Variants in MALRD1 observed in about 807,000 individuals in gnomAD.
The protein encoded by MALRD1 is MAM and LDL-receptor class A domain-containing protein 1.
A neutral mutation model predicts 242.1 loss-of-function variants in MALRD1; 247 were observed. That is an observed-to-expected ratio of 1.02 (90% CI 0.92 to 1.13). The LOEUF (loss-of-function observed/expected upper bound fraction) is 1.13, where lower values mean the gene tolerates loss of function less well. Ranked by LOEUF, MALRD1 falls within the 50% of genes most tolerant of loss-of-function variation. MALRD1 has a pLI of 0.00. For synonymous variants in MALRD1, 995 were observed against 866.6 expected (o/e 1.15, Z -2.60); for missense variants, 2,989 against 2,533.1 (o/e 1.18, Z -3.86).
rs1431459244 is a variant in MALRD1 at position 19,312,162 on chromosome 10, A to T, written c.3420-11787A>T. ...AGAAACTGAACTCTGGTGGCAAAAC[A>T]CAGGAAAGAAATGGCACCACGTGAA... On this transcript the variant is annotated intron_variant, in intron 21 of 39. Transcript: ENST00000454679. Among the ~76,000 whole-genome samples the T allele has an allele frequency of 2.0e-5, 3 of 151,300 alleles. No homozygotes were observed. The East Asian group carries it at 5.8e-4, about 29-fold the overall frequency.
intron 33 of MALRD1, among the ~76,000 whole-genome samples, chr10:19,589,150 A>C (rs1012041281): frequency 1.3e-5 from 2 of 152,226 alleles, no homozygotes; most frequent in African/African-American, 4.8e-5. Flanking sequence ...ACAGACTGAA[A>C]CATAGGTTCT....
At chr10:19,436,919 A>G (rs1286314888) in intron 28 of MALRD1, among the ~76,000 whole-genome samples, 1 of 152,156 alleles carries the variant, frequency 6.6e-6, no homozygotes, top group Non-Finnish European at 1.5e-5. Flanking sequence ...TCACCTATTC[A>G]GTTATCTTCC....
chr10:19,236,394 G>A (rs1357536032), intron 18 of MALRD1, among the ~76,000 whole-genome samples: 3 of 152,124 alleles, frequency 2.0e-5, no homozygotes, highest in African/African-American at 7.2e-5. Flanking sequence ...TGCCCATGGG[G>A]CAACCTGTGA....
chr10:19,623,224 C>A (rs1839485581), intron 36 of MALRD1, among the ~76,000 whole-genome samples: 1 of 151,662 alleles, frequency 6.6e-6, no homozygotes, highest in Non-Finnish European at 1.5e-5. Flanking sequence ...AGATAAATGG[C>A]AATCTGAGAG....
chr10:19,391,239 TAC>T (rs972332237), intron 28 of MALRD1, among the ~76,000 whole-genome samples: 3 of 151,812 alleles, frequency 2.0e-5, no homozygotes, highest in Non-Finnish European at 2.9e-5. Context: ...CACACAAACA[TAC>T]ACACACACAC....
intron 36 of MALRD1, among the ~76,000 whole-genome samples, chr10:19,620,456 C>T (rs1016097115): frequency 2.0e-5 from 3 of 152,048 alleles, no homozygotes; most frequent in Admixed American, 6.6e-5. Context: ...GACGCATATT[C>T]AGTCACCATT....
intron 38 of MALRD1, chr10:19,721,751 A>G (rs1448711300): frequency 6.6e-6 from 1 of 152,212 alleles, no homozygotes; most frequent in Non-Finnish European, 1.5e-5. Flanking sequence ...GCTTCTCCAT[A>G]GTAGAAATAG....
rs755328434 is a variant in MALRD1 at position 19,205,205 on chromosome 10, A to G, written c.2518A>G (p.Lys840Glu). Reference protein sequence around the residue: ...WCRHTRACIEKLRLCDLVDDC... With the variant: ...WCRHTRACIEELRLCDLVDDC... ...TCGCCACACCAGGGCTTGCATAGAA[A>G]AGCTTCGGTTATGTGATCTGGTGGA... Residue 840 changes from lysine (K) to glutamate (E), a missense_variant, in exon 17 of 40, where the codon AAG becomes GAG. Lys to Glu is a moderately conservative substitution (Grantham distance 56, BLOSUM62 1). Coordinates refer to ENST00000454679, the MANE Select transcript of MALRD1 (RefSeq NM_001142308.3). 17 of 1,550,878 alleles carry G rather than the reference A, an allele frequency of 1.1e-5. No individual in the cohort carries two copies. Among genetic ancestry groups the G allele is most frequent in the Admixed American group, 2.0e-5 (1 of 50,960 alleles).
intron 18 of MALRD1, among the ~76,000 whole-genome samples, chr10:19,246,040 C>G (rs1257557427): frequency 6.6e-6 from 1 of 152,036 alleles, no homozygotes; most frequent in Non-Finnish European, 1.5e-5. Flanking sequence ...TTAATAAGAG[C>G]TTTTGTTAAT....
At chr10:19,520,640 G>A (rs1463829312) in intron 31 of MALRD1, among the ~76,000 whole-genome samples, 2 of 152,152 alleles carry the variant, frequency 1.3e-5, no homozygotes, top group Admixed American at 1.3e-4. Flanking sequence ...ACCACAATTA[G>A]AATAAAAGTG....
chr10:19,547,819 T>TATATATATATGTA (rs1491504993), intron 32 of MALRD1, among the ~76,000 whole-genome samples: 1 of 12,542 alleles, frequency 8.0e-5, no homozygotes, highest in South Asian at 6.5e-3. Flanking sequence ...TATATATATA[T>TATATATATATGTA]TTTTTTTTTT....
chr10:19,263,186 A>G (rs1839829552), intron 19 of MALRD1, among the ~76,000 whole-genome samples: 1 of 152,142 alleles, frequency 6.6e-6, no homozygotes, highest in Admixed American at 6.6e-5. Context: ...TCATGTGGAT[A>G]GTTACATTTT....
At chr10:19,238,521 T>A (rs1588755707) in intron 18 of MALRD1, among the ~76,000 whole-genome samples, 2 of 93,692 alleles carry the variant, frequency 2.1e-5, no homozygotes, top group South Asian at 5.7e-4. Flanking sequence ...ATGTATATTA[T>A]ATATAATATA....
chr10:19,638,716 T>A (rs1271902076), intron 36 of MALRD1, among the ~76,000 whole-genome samples: 1 of 152,192 alleles, frequency 6.6e-6, no homozygotes, highest in Non-Finnish European at 1.5e-5. Context: ...GATTATGGCA[T>A]GTATTTTAGC....
intron 30 of MALRD1, among the ~76,000 whole-genome samples, chr10:19,494,091 T>C (rs886616625): frequency 2.1e-5 from 3 of 142,094 alleles, no homozygotes; most frequent in Non-Finnish European, 3.0e-5. Flanking sequence ...AGGAGCCACA[T>C]GATTAAGAGC....
At chr10:19,579,102 T>G (rs773837795) in intron 33 of MALRD1, among the ~76,000 whole-genome samples, 1 of 152,214 alleles carries the variant, frequency 6.6e-6, no homozygotes, top group Non-Finnish European at 1.5e-5. Flanking sequence ...AAAGTTACTC[T>G]TCCGTTAAAC....
At chr10:19,544,244 C>A (rs1034824950) in intron 32 of MALRD1, among the ~76,000 whole-genome samples, 1 of 151,868 alleles carries the variant, frequency 6.6e-6, no homozygotes, top group East Asian at 1.9e-4. Context: ...GGCCGAAATG[C>A]GATGGTGTGA....
intron 36 of MALRD1, among the ~76,000 whole-genome samples, chr10:19,639,518 A>G (rs1435410567): frequency 6.6e-6 from 1 of 152,114 alleles, no homozygotes; most frequent in Non-Finnish European, 1.5e-5. Context: ...TCGGAGTTTC[A>G]CTCTGCACAG....
chr10:19,441,142 C>A (rs1169087029), intron 28 of MALRD1, among the ~76,000 whole-genome samples: 2 of 152,126 alleles, frequency 1.3e-5, no homozygotes, highest in African/African-American at 4.8e-5. Context: ...TAAATGTCTT[C>A]TTTTGAGAAG....
Sources: allele counts gnomAD v4.1 joint callset (sites outside exome capture counted in the v4.1 genomes callset), GRCh38; gene constraint gnomAD v4.1.1; transcripts MANE v1.5; gene names NCBI Gene and HGNC (gene_info 2026-07-23, HGNC 2026-07-21).